Variants in TANC2 observed in about 807,000 individuals in gnomAD.
TANC2 encodes the protein protein TANC2.
A neutral mutation model predicts 210.5 loss-of-function variants in TANC2; 26 were observed. The observed-to-expected ratio is 0.12, with a 90% CI of 0.09 to 0.17. The LOEUF (loss-of-function observed/expected upper bound fraction) is 0.17. TANC2 is among the 10% of genes least tolerant of loss of function. The pLI, the probability that TANC2 is intolerant of heterozygous loss-of-function variation, is 1.00. For missense variants in TANC2, 2,129 were observed against 2,608.9 expected, an observed-to-expected ratio of 0.82 and a Z score of 4.01; for synonymous variants, 931 against 967.1, an observed-to-expected ratio of 0.96 and a Z score of 0.69.
chr17:63,344,484 T>G (rs2046337421), intron 12 of TANC2, among the ~76,000 whole-genome samples: 1 of 152,178 alleles, frequency 6.6e-6, no homozygotes, highest in Admixed American at 6.5e-5. Context: ...CCACTGGTGG[T>G]CCAGGCTAGT....
chr17:62,990,838 C>G (rs1185797426), intron 1 of TANC2, among the ~76,000 whole-genome samples: 1 of 151,948 alleles, frequency 6.6e-6, no homozygotes, highest in African/African-American at 2.4e-5. Flanking sequence ...AGAGTTCTTT[C>G]TGATAATTTT....
chr17:63,362,721 G>A (rs750733992), intron 14 of TANC2, among the ~76,000 whole-genome samples: 5 of 152,202 alleles, frequency 3.3e-5, no homozygotes, highest in East Asian at 3.9e-4. Context: ...GCTTTGCTCC[G>A]AAATCAGAGT....
chr17:63,077,259 T>G (rs1467434402), intron 3 of TANC2, among the ~76,000 whole-genome samples: 1 of 152,200 alleles, frequency 6.6e-6, no homozygotes, highest in Non-Finnish European at 1.5e-5. Context: ...CTGAATTCCA[T>G]ATGCATTGAT....
intron 2 of TANC2, among the ~76,000 whole-genome samples, chr17:63,055,763 A>G (rs2035750614): frequency 6.6e-6 from 1 of 150,810 alleles, no homozygotes; most frequent in South Asian, 2.1e-4. Flanking sequence ...AAACAAGCAA[A>G]AACTTTAAAG....
intron 7 of TANC2, among the ~76,000 whole-genome samples, chr17:63,205,246 G>T (rs775943768): frequency 3.4e-5 from 5 of 146,194 alleles, no homozygotes; most frequent in African/African-American, 7.5e-5. Flanking sequence ...AATGAAGTTG[G>T]TCATTTACCA....
chr17:63,086,850 G>C (rs2036985652), intron 3 of TANC2, among the ~76,000 whole-genome samples: 2 of 149,832 alleles, frequency 1.3e-5, no homozygotes, highest in Admixed American at 1.3e-4. Context: ...GCGCTCTGTA[G>C]CTAGCTAGAG....
chr17:63,162,842 G>A (rs2040075854), intron 5 of TANC2, among the ~76,000 whole-genome samples: 1 of 151,966 alleles, frequency 6.6e-6, no homozygotes, highest in South Asian at 2.1e-4. Flanking sequence ...GAGAGTGAAT[G>A]GATTAGGGAA....
intron 3 of TANC2, among the ~76,000 whole-genome samples, chr17:63,085,816 G>A (rs911187342): frequency 2.0e-5 from 3 of 152,068 alleles, no homozygotes; most frequent in African/African-American, 7.2e-5. Context: ...TTTTTAAAAA[G>A]TCTTTATCTT....
intron 4 of TANC2, among the ~76,000 whole-genome samples, chr17:63,121,207 G>A (rs561116030): frequency 6.6e-6 from 1 of 152,244 alleles, no homozygotes; most frequent in East Asian, 1.9e-4. Flanking sequence ...GGTGATAAAT[G>A]TGTGTTTTTT....
At chr17:63,411,430 A>C in intron 21 of TANC2, 81 bp from the exon 22 acceptor site, 1 of 1,367,338 alleles carries the variant, frequency 7.3e-7, no homozygotes. Context: ...TCTTTGCAGG[A>C]GCATGCCCCT....
chr17:63,008,528 A>C (rs2033727052), intron 1 of TANC2, among the ~76,000 whole-genome samples: 2 of 152,144 alleles, frequency 1.3e-5, no homozygotes. Context: ...CAGTCATTGA[A>C]TTGTGGTGGA....
chr17:63,298,813 T>TA (rs1397638534), intron 9 of TANC2, among the ~76,000 whole-genome samples: 1 of 152,206 alleles, frequency 6.6e-6, no homozygotes, highest in Non-Finnish European at 1.5e-5. Flanking sequence ...GTAGGGTTGT[T>TA]ACATAGGTAT....
intron 4 of TANC2, among the ~76,000 whole-genome samples, chr17:63,114,615 G>A (rs2038182543): frequency 6.6e-6 from 1 of 152,128 alleles, no homozygotes; most frequent in South Asian, 2.1e-4. Context: ...CTTAACTCCT[G>A]TGAGAATAGA....
At chr17:63,126,307 T>C (rs764881825) in intron 4 of TANC2, among the ~76,000 whole-genome samples, 21 of 152,208 alleles carry the variant, frequency 1.4e-4, no homozygotes, top group Non-Finnish European at 2.4e-4. Context: ...TCAATAATAT[T>C]CTTAGCTTGA....
chr17:63,069,950 A>G (rs1054033449), intron 2 of TANC2, among the ~76,000 whole-genome samples: 11 of 152,184 alleles, frequency 7.2e-5, no homozygotes, highest in African/African-American at 2.7e-4. Context: ...ATTTGGAGAA[A>G]ATAGGTTACC....
At chr17:63,011,241 GT>G (rs373743144) in intron 2 of TANC2, among the ~76,000 whole-genome samples, 1 of 151,524 alleles carries the variant, frequency 6.6e-6, no homozygotes, top group South Asian at 2.1e-4. Flanking sequence ...GTGTGTGTGT[GT>G]TTTTTTTACT....
chr17:63,199,619 A>G (rs1171460528), intron 6 of TANC2, among the ~76,000 whole-genome samples: 5 of 111,002 alleles, frequency 4.5e-5, no homozygotes, highest in Non-Finnish European at 8.7e-5. Context: ...ACTCCATCTC[A>G]AAAAAAAAAA....
intron 5 of TANC2, among the ~76,000 whole-genome samples, chr17:63,178,639 C>G (rs2040675237): frequency 6.6e-6 from 1 of 152,170 alleles, no homozygotes; most frequent in South Asian, 2.1e-4. Flanking sequence ...TTTTACAACT[C>G]TGTTAAAGAG....
intron 4 of TANC2, among the ~76,000 whole-genome samples, chr17:63,138,031 C>A (rs575962201): frequency 6.6e-6 from 1 of 152,134 alleles, no homozygotes; most frequent in Non-Finnish European, 1.5e-5. Flanking sequence ...GCTTTCCTTG[C>A]ACTTAAGTGT....
Sources: allele counts gnomAD v4.1 joint callset (sites outside exome capture counted in the v4.1 genomes callset), GRCh38; gene constraint gnomAD v4.1.1; transcripts MANE v1.5; gene names NCBI Gene and HGNC (gene_info 2026-07-23, HGNC 2026-07-21).